LINGO2: variants seen among roughly 807,000 people sequenced by gnomAD.
The protein encoded by LINGO2 is leucine-rich repeat and immunoglobulin-like domain-containing nogo receptor-interacting protein 2.
In LINGO2, 14 loss-of-function variants were observed where a neutral mutation model predicts 30.6. The observed-to-expected ratio is 0.46, with a 90% CI of 0.30 to 0.72. The LOEUF (loss-of-function observed/expected upper bound fraction) is 0.72, where lower values mean the gene tolerates loss of function less well. LINGO2 is among the 30% of genes least tolerant of loss of function. The pLI, the probability that LINGO2 is intolerant of heterozygous loss-of-function variation, is 0.07. For missense variants in LINGO2, 729 were observed against 751.7 expected (o/e 0.97, Z 0.35); for synonymous variants, 317 against 288.5 (o/e 1.10, Z -1.00).
the LINGO2 span, among the ~76,000 whole-genome samples, chr9:28,771,746 G>A: frequency 2.0e-5 from 3 of 151,968 alleles, no homozygotes; most frequent in Non-Finnish European, 2.9e-5. Flanking sequence ...CAGACATTTA[G>A]GAAAGATTGG....
chr9:28,790,330 T>C, the LINGO2 span, among the ~76,000 whole-genome samples: 45 of 119,054 alleles, frequency 3.8e-4, no homozygotes, highest in South Asian at 6.7e-3. Context: ...TCTTTCTTTT[T>C]TTTTTTTTTT....
intron 2 of LINGO2, among the ~76,000 whole-genome samples, chr9:28,426,231 C>T (rs1823405321): frequency 6.6e-6 from 1 of 152,002 alleles, no homozygotes; most frequent in Non-Finnish European, 1.5e-5. Context: ...ATAAATAGCA[C>T]ATCCCCCTCC....
At chr9:28,122,055 A>G (rs1827111062) in intron 4 of LINGO2, among the ~76,000 whole-genome samples, 2 of 152,194 alleles carry the variant, frequency 1.3e-5, no homozygotes, top group Non-Finnish European at 2.9e-5. Context: ...CTGGGAGAGG[A>G]CTTAATTCCT....
chr9:28,491,597 G>T (rs745613377), intron 1 of LINGO2, among the ~76,000 whole-genome samples: 2 of 151,922 alleles, frequency 1.3e-5, no homozygotes, highest in African/African-American at 4.8e-5. Context: ...CTATGTTTTT[G>T]TATTAACTTT....
chr9:28,532,509 A>G (rs1387850669), intron 1 of LINGO2, among the ~76,000 whole-genome samples: 1 of 152,072 alleles, frequency 6.6e-6, no homozygotes, highest in African/African-American at 2.4e-5. Flanking sequence ...AACAAACAAG[A>G]CAAAACAAAG....
At chr9:28,083,828 C>CATA (rs1825838040) in intron 4 of LINGO2, among the ~76,000 whole-genome samples, 1 of 151,914 alleles carries the variant, frequency 6.6e-6, no homozygotes, top group Admixed American at 6.6e-5. Flanking sequence ...ATAGTAATTG[C>CATA]AAAACCTGGA....
At chr9:28,481,485 GA>G (rs1825960624) in intron 1 of LINGO2, among the ~76,000 whole-genome samples, 2 of 151,836 alleles carry the variant, frequency 1.3e-5, no homozygotes, top group Non-Finnish European at 2.9e-5. Context: ...ATATTCAGAG[GA>G]ACATTCCTTT....
intron 5 of LINGO2, among the ~76,000 whole-genome samples, chr9:27,999,278 A>G (rs182584338): frequency 8.6e-4 from 131 of 152,260 alleles, no homozygotes; most frequent in Non-Finnish European, 1.5e-3. Context: ...AGAAAGCATC[A>G]ACCACAAAAA....
At chr9:28,262,404 T>A (rs1822595739) in intron 4 of LINGO2, among the ~76,000 whole-genome samples, 1 of 151,882 alleles carries the variant, frequency 6.6e-6, no homozygotes, top group Admixed American at 6.6e-5. Context: ...CCAAATTGAA[T>A]TTGAATCAAC....
chr9:28,497,997 C>T (rs1409860371), intron 1 of LINGO2, among the ~76,000 whole-genome samples: 1 of 152,184 alleles, frequency 6.6e-6, no homozygotes, highest in East Asian at 1.9e-4. Flanking sequence ...GCAAATGTTG[C>T]TGCCTGATCG....
the LINGO2 span, among the ~76,000 whole-genome samples, chr9:28,982,888 A>T: frequency 1.3e-5 from 2 of 152,074 alleles, no homozygotes; most frequent in Non-Finnish European, 2.9e-5. Flanking sequence ...ACCTTTTGAA[A>T]TAAATTATAG....
At chr9:28,273,793 T>C (rs1823024568) in intron 4 of LINGO2, among the ~76,000 whole-genome samples, 1 of 152,180 alleles carries the variant, frequency 6.6e-6, no homozygotes, top group Non-Finnish European at 1.5e-5. Context: ...GATTCTGGTA[T>C]CTTTATTCAG....
the LINGO2 span, among the ~76,000 whole-genome samples, chr9:29,155,096 AT>A: frequency 2.0e-5 from 3 of 152,132 alleles, no homozygotes; most frequent in South Asian, 2.1e-4. Context: ...TGCATACAAT[AT>A]TTTTTTCTTT....
chr9:28,754,162 A>G, the LINGO2 span, among the ~76,000 whole-genome samples: 1 of 152,020 alleles, frequency 6.6e-6, no homozygotes, highest in African/African-American at 2.4e-5. Context: ...TTTACTATGT[A>G]CTGTGTACTA....
chr9:28,786,328 G>A, the LINGO2 span, among the ~76,000 whole-genome samples: 6 of 152,142 alleles, frequency 3.9e-5, no homozygotes, highest in African/African-American at 1.4e-4. Flanking sequence ...CATATGGGAG[G>A]TGGGGACAAA....
At chr9:27,948,831 G>A in exon 6 of LINGO2, 1 of 1,588,052 alleles carries the variant, frequency 6.3e-7, no homozygotes, top group Non-Finnish European at 8.6e-7. Context: ...CAAAGAGACA[G>A]TAATGTGAGG....
chr9:29,150,427 A>C, the LINGO2 span, among the ~76,000 whole-genome samples: 8 of 152,240 alleles, frequency 5.3e-5, no homozygotes, highest in South Asian at 2.1e-4. Flanking sequence ...AACCAGTTTG[A>C]AAGAACTGAA....
chr9:28,274,185 A>T (rs1823038205), intron 4 of LINGO2, among the ~76,000 whole-genome samples: 1 of 152,190 alleles, frequency 6.6e-6, no homozygotes, highest in African/African-American at 2.4e-5. Flanking sequence ...AATTCTAACC[A>T]TATCAAAATA....
chr9:28,696,383 T>C, the LINGO2 span, among the ~76,000 whole-genome samples: 1 of 151,864 alleles, frequency 6.6e-6, no homozygotes, highest in Non-Finnish European at 1.5e-5. Context: ...AGAAGTAAGA[T>C]TTGCAAAACG....
Sources: gnomAD v4.1 joint callset for allele counts (sites outside exome capture counted in the v4.1 genomes callset) on GRCh38, gnomAD v4.1.1 for gene constraint, MANE v1.5 for transcripts, NCBI Gene and HGNC (gene_info 2026-07-23, HGNC 2026-07-21) for gene names.